Variants in NALF1 observed in about 807,000 individuals in gnomAD.
NALF1 encodes the protein NALCN channel auxiliary factor 1, also known as family with sequence similarity 155 member A.
In NALF1, 3 loss-of-function variants were observed where a neutral mutation model predicts 48.4. That is an observed-to-expected ratio of 0.06 (90% CI 0.03 to 0.16). The LOEUF is 0.16. NALF1 is among the 10% of genes least tolerant of loss of function. The probability of loss-of-function intolerance (pLI) is 1.00; values close to 1 mark genes in which losing one functional copy is unlikely to be tolerated. For missense variants in NALF1, 526 were observed against 571.5 expected (o/e 0.92, Z 0.81); for synonymous variants, 262 against 245.7 (o/e 1.07, Z -0.62).
chr13:107,256,266 T>C lies in NALF1; in HGVS notation c.916-45511A>G, dbSNP rs146342157. On this transcript the variant is annotated intron_variant, in intron 1 of 2. Transcript: ENST00000375915. Reference sequence around the variant, plus strand: ...TATTCCACTAGGCATTGCTGTACAGTGGAAGTACTACATAACAGCACGCTG... The same window carrying C: ...TATTCCACTAGGCATTGCTGTACAGCGGAAGTACTACATAACAGCACGCTG... 8.3e-3 allele frequency among the ~76,000 whole-genome samples: 1,260 copies of C among 152,342 alleles called. 19 individuals carry two copies. Among genetic ancestry groups the C allele is most frequent in the African/African-American group, 0.029 (1,190 of 41,560 alleles).
intron 1 of NALF1, among the ~76,000 whole-genome samples, chr13:107,315,514 T>C (rs192437483): frequency 7.2e-4 from 110 of 152,254 alleles, no homozygotes; most frequent in African/African-American, 2.1e-3. Context: ...TCATAAAATG[T>C]AAAATACATA....
intron 1 of NALF1, among the ~76,000 whole-genome samples, chr13:107,693,328 T>TGGGGGGGGGGG (rs1566446153): frequency 1.0e-3 from 57 of 55,926 alleles, no homozygotes; most frequent in Non-Finnish European, 1.1e-3. Flanking sequence ...TGTCGTAGGG[T>TGGGGGGGGGGG]AGGGGGGGCG....
At position 107,350,368 on chromosome 13, in the gene NALF1, A is replaced by C. The variant is rs1594132335; in HGVS notation, c.916-139613T>G. Among the ~76,000 whole-genome samples, 3 of 152,358 alleles carry C rather than the reference A, an allele frequency of 2.0e-5. No homozygotes were observed. The East Asian group carries it at 5.8e-4, about 29-fold the overall frequency. ...ACTGCTGAGCCTCATGGGAACACCT[A>C]TAGCAGGTGTATTTTAAGTGCTTCA... On this transcript the variant is annotated intron_variant, in intron 1 of 2. Transcript: ENST00000375915.
chr13:107,861,418 A>G (rs552007154), intron 1 of NALF1, among the ~76,000 whole-genome samples: 1 of 152,344 alleles, frequency 6.6e-6, no homozygotes, highest in Non-Finnish European at 1.5e-5. Context: ...AATAGCACTT[A>G]GTCAAGAGCA....
chr13:107,824,888 C>A lies in NALF1; in HGVS notation c.915+40794G>T, dbSNP rs192045513. Among the ~76,000 whole-genome samples, 152 of 152,312 alleles carry A rather than the reference C, an allele frequency of 1.0e-3. No individual in the cohort carries two copies. The Middle Eastern group carries it at 0.017, about 17-fold the overall frequency. ...TCTTACGAGTTTCAGTTTGCCACTTCACTGGCCAATGTCAGATGTGTGAAA... is the reference window on the plus strand; with the variant it reads ...TCTTACGAGTTTCAGTTTGCCACTTAACTGGCCAATGTCAGATGTGTGAAA... On this transcript the variant is annotated intron_variant, in intron 1 of 2. Transcript: ENST00000375915.
chr13:107,615,192 T>G (rs1021750810), intron 1 of NALF1, among the ~76,000 whole-genome samples: 13 of 152,200 alleles, frequency 8.5e-5, no homozygotes, highest in African/African-American at 2.9e-4. Flanking sequence ...AACTAACACT[T>G]TATACATTCA....
chr13:107,804,656 A>G (rs1005139963), intron 1 of NALF1, among the ~76,000 whole-genome samples: 8 of 152,126 alleles, frequency 5.3e-5, no homozygotes, highest in Non-Finnish European at 4.4e-5. Context: ...GAATATCGGC[A>G]CACTGTCACA....
intron 1 of NALF1, among the ~76,000 whole-genome samples, chr13:107,739,082 T>C (rs1876551564): frequency 6.6e-6 from 1 of 152,110 alleles, no homozygotes; most frequent in Non-Finnish European, 1.5e-5. Context: ...ACACCGCATG[T>C]TCCACTCATA....
intron 1 of NALF1, among the ~76,000 whole-genome samples, chr13:107,494,797 T>C (rs960737031): frequency 2.0e-5 from 3 of 152,182 alleles, no homozygotes; most frequent in Non-Finnish European, 4.4e-5. Context: ...TGATTTTTAA[T>C]GACAGATAGA....
At chr13:107,202,401 A>T (rs1879540251) in intron 2 of NALF1, among the ~76,000 whole-genome samples, 1 of 149,318 alleles carries the variant, frequency 6.7e-6, no homozygotes, top group East Asian at 1.9e-4. Context: ...TATACAATCT[A>T]TTATATATTA....
At chr13:107,534,820 T>G (rs1256373203) in intron 1 of NALF1, among the ~76,000 whole-genome samples, 1 of 152,146 alleles carries the variant, frequency 6.6e-6, no homozygotes, top group Non-Finnish European at 1.5e-5. Context: ...GATGGAAAGA[T>G]AATTATTCTT....
intron 1 of NALF1, among the ~76,000 whole-genome samples, chr13:107,793,454 C>T (rs1878313767): frequency 6.6e-6 from 1 of 152,050 alleles, no homozygotes; most frequent in Non-Finnish European, 1.5e-5. Flanking sequence ...ATAATGATTC[C>T]ACACACCCAA....
chr13:107,836,802 G>C (rs1879902836), intron 1 of NALF1, among the ~76,000 whole-genome samples: 3 of 152,116 alleles, frequency 2.0e-5, no homozygotes, highest in Admixed American at 2.0e-4. Flanking sequence ...TTTGGAAATG[G>C]CGAAGCTCTT....
intron 1 of NALF1, among the ~76,000 whole-genome samples, chr13:107,424,922 C>T (rs1213926929): frequency 2.0e-5 from 3 of 152,140 alleles, no homozygotes; most frequent in Admixed American, 1.3e-4. Context: ...TGTTCCTTAG[C>T]ATTTACATAT....
At chr13:107,504,902 G>C (rs1203915058) in intron 1 of NALF1, among the ~76,000 whole-genome samples, 1 of 152,172 alleles carries the variant, frequency 6.6e-6, no homozygotes, top group Non-Finnish European at 1.5e-5. Context: ...TTTAGGGAAT[G>C]CCTACTGTAT....
At chr13:107,645,639 T>C (rs1021220222) in intron 1 of NALF1, among the ~76,000 whole-genome samples, 3 of 143,226 alleles carry the variant, frequency 2.1e-5, no homozygotes, top group African/African-American at 8.0e-5. Context: ...AGTTATGAAC[T>C]CAAATTTCTC....
At chr13:107,851,535 T>C (rs908901057) in intron 1 of NALF1, among the ~76,000 whole-genome samples, 4 of 152,160 alleles carry the variant, frequency 2.6e-5, no homozygotes, top group Non-Finnish European at 5.9e-5. Context: ...TCAAACACTA[T>C]ATTTTATAAA....
At chr13:107,370,353 T>C (rs1294031440) in intron 1 of NALF1, among the ~76,000 whole-genome samples, 1 of 152,054 alleles carries the variant, frequency 6.6e-6, no homozygotes, top group East Asian at 1.9e-4. Flanking sequence ...GTTTCTGGAG[T>C]TTGCTTGGAG....
At chr13:107,684,452 G>T (rs1881382193) in intron 1 of NALF1, among the ~76,000 whole-genome samples, 1 of 152,138 alleles carries the variant, frequency 6.6e-6, no homozygotes. Context: ...ATATTAACAT[G>T]ATCGTCCTCA....
Sources: gnomAD v4.1 joint callset for allele counts (sites outside exome capture counted in the v4.1 genomes callset) on GRCh38, gnomAD v4.1.1 for gene constraint, MANE v1.5 for transcripts, NCBI Gene and HGNC (gene_info 2026-07-23, HGNC 2026-07-21) for gene names.